The following MSRB1 variants were observed in gnomAD, a reference collection of about 807,000 sequenced individuals.
MSRB1 encodes methionine sulfoxide reductase B1, also known as methionine-R-sulfoxide reductase B1.
A neutral mutation model predicts 15.2 loss-of-function variants in MSRB1; 13 were observed. The observed-to-expected ratio is 0.86, with a 90% CI of 0.56 to 1.36. The LOEUF is 1.36. Among genes scored for constraint, MSRB1 ranks in the 40% most tolerant of loss-of-function variants. The pLI, the probability that MSRB1 is intolerant of heterozygous loss-of-function variation, is 0.00. For synonymous variants in MSRB1, 68 were observed against 64.5 expected (o/e 1.05, Z -0.26); for missense variants, 174 against 155.9 (o/e 1.12, Z -0.62).
chr16:1,941,728 A>C (rs913936615), intron 1 of MSRB1: 6 of 334,720 alleles, frequency 1.8e-5, no homozygotes, highest in Non-Finnish European at 3.4e-5. Flanking sequence ...GAACCTGGGT[A>C]GTCCAATGAG....
At chr16:1,940,654 C>T (rs1313222644) in intron 3 of MSRB1, 124 bp downstream of exon 3, 1 of 1,223,788 alleles carries the variant, frequency 8.2e-7, no homozygotes, top group Non-Finnish European at 1.1e-6. Context: ...TGGACAGTTC[C>T]CAGGCAGCGT....
chr16:1,940,842 G>A lies in MSRB1; in HGVS notation c.255C>T (p.Asp85=), dbSNP rs775096631. ...ATCGGGACTGCCCCGGCTTGGGGCC[G>A]TCGTTCAGGAACTCGTGGCCCAACC... ...GNGLGHEFLN[D]GPKPGQSRFU... is the part of the protein sequence containing the mutation. The change falls in exon 3 of 4, where the codon GAC becomes GAT. Residue 85 remains aspartate, a synonymous_variant. Coordinates refer to ENST00000361871, the MANE Select transcript of MSRB1 (RefSeq NM_016332.4). 2.4e-5 allele frequency: 38 copies of A among 1,614,018 alleles called. No individual in the cohort carries two copies. The highest frequency in any genetic ancestry group is 1.6e-4 in the Middle Eastern group (1 of 6,084).
chr16:1,943,165 C>T lies in MSRB1; in HGVS notation c.-9G>A. ...AAGCTGCAGAACGACATGGCGCCACCGGAACCGCAGCGCGCTTGCCGCTGC... is the reference window on the plus strand; with the variant it reads ...AAGCTGCAGAACGACATGGCGCCACTGGAACCGCAGCGCGCTTGCCGCTGC... On this transcript the variant is annotated 5_prime_UTR_variant, in exon 1 of 4. Coordinates refer to ENST00000361871, the MANE Select transcript of MSRB1 (RefSeq NM_016332.4). 1 of 1,557,386 alleles carries T rather than the reference C, an allele frequency of 6.4e-7. No individual in the cohort carries two copies. Among genetic ancestry groups the T allele is most frequent in the South Asian group, 1.2e-5 (1 of 84,584 alleles).
chr16:1,942,334 C>T (rs943614941), intron 1 of MSRB1, among the ~76,000 whole-genome samples: 2 of 152,206 alleles, frequency 1.3e-5, no homozygotes, highest in Non-Finnish European at 2.9e-5. Flanking sequence ...CCAGCAGATC[C>T]GCCCAAGGAG....
In MSRB1 at chr16:1,938,798, G is replaced by A. The variant is rs1374855004; in HGVS notation, c.*314C>T. ...CAGGAAAAGAAGGTGAGGGTGTAAC[G>A]TCATTCAGAGACCAGCTGCACCCAG... On this transcript the variant is annotated 3_prime_UTR_variant, in exon 4 of 4. Transcript: ENST00000361871. 4 of 465,680 alleles carry A rather than the reference G, an allele frequency of 8.6e-6. No individual in the cohort carries two copies. The highest frequency in any genetic ancestry group is 2.4e-5 in the South Asian group (1 of 42,294). 28.8% of individuals were successfully genotyped at this position (465,680 alleles called of 1,614,324 possible). A position where few individuals can be genotyped will look rare whatever the true frequency, so the allele number is the denominator to read the frequency against.
In MSRB1 at chr16:1,938,552, C is replaced by A; in HGVS notation, c.*560G>T. 6.3e-6 allele frequency: 1 copy of A among 159,756 alleles called. No homozygotes were observed. The highest frequency in any genetic ancestry group is 1.5e-4 in the South Asian group (1 of 6,482). The allele number at this position is 159,756 out of a possible 1,614,324, so 9.9% of individuals were successfully genotyped here. On this transcript the variant is annotated 3_prime_UTR_variant, in exon 4 of 4. Coordinates refer to ENST00000361871, the MANE Select transcript of MSRB1 (RefSeq NM_016332.4). ...AGAGGCCAAGGGTGTGCCCCATCAG[C>A]CTGCCTTCCCAGCAGGTCACAGACC...
rs974150471 is a variant in MSRB1, at chr16:1,938,913, C to T, written c.*199G>A. 1.5e-5 allele frequency: 11 copies of T among 739,612 alleles called. No individual in the cohort carries two copies. In the Admixed American group the frequency reaches 2.4e-4, roughly 16 times the overall value. 45.8% of individuals were successfully genotyped at this position (739,612 alleles called of 1,614,324 possible). A position where few individuals can be genotyped will look rare whatever the true frequency, so the allele number is the denominator to read the frequency against. ...AGCCCAGGCCTGTCCCAGCAGAAGG[C>T]ATGAACCATCAGCAAATGAGTCTCT... On this transcript the variant is annotated 3_prime_UTR_variant, in exon 4 of 4. Coordinates refer to ENST00000361871, the MANE Select transcript of MSRB1 (RefSeq NM_016332.4).
At chr16:1,941,782 A>G (rs897520369) in intron 1 of MSRB1, 1 of 237,366 alleles carries the variant, frequency 4.2e-6, no homozygotes, top group South Asian at 5.2e-5. Context: ...CCAGGAACAT[A>G]GAGGGCAGGG....
chr16:1,941,278 G>T lies in MSRB1; in HGVS notation c.183C>A (p.His61Gln). Residue 61 changes from histidine to glutamine, a missense_variant, in exon 2 of 4, where the codon CAC (histidine) becomes CAA (glutamine). By Grantham distance (24) the His-to-Gln change is conservative (BLOSUM62 0). Transcript: ENST00000361871. The stretch of plus-strand genomic sequence containing the variant: ...TCACCTTCAAGGCTTCAGATCTATT[G>T]TGCTCCGGACGCTTGGCCACGCTGT... ...HADSVAKRPE[H>Q]NRSEALKVSC... The T allele has an allele frequency of 6.2e-7, 1 of 1,600,724 alleles. No homozygotes were observed. Among genetic ancestry groups the T allele is most frequent in the Non-Finnish European group, 8.5e-7 (1 of 1,172,728 alleles).
chr16:1,941,142 G>A (rs1020058505), intron 2 of MSRB1, 115 bp downstream of exon 2: 2 of 1,555,970 alleles, frequency 1.3e-6, no homozygotes, highest in East Asian at 2.4e-5. Context: ...AACAGGCCTG[G>A]AATAGACGCC....
intron 2 of MSRB1, 69 bp downstream of exon 2, chr16:1,941,188 G>A (rs747626202): frequency 1.4e-4 from 227 of 1,595,376 alleles, no homozygotes; most frequent in Non-Finnish European, 1.9e-4. Flanking sequence ...AGCAGAGGGA[G>A]GAAGGTGGGA....
rs777301186 is a variant in MSRB1, at chr16:1,941,258, T to C, written c.203A>G (p.Lys68Arg). Reference sequence around the variant, plus strand: ...TCCCCCACCCCTGTGGCCTCTCACCTTCAAGGCTTCAGATCTATTGTGCTC... The same window carrying C: ...TCCCCCACCCCTGTGGCCTCTCACCCTCAAGGCTTCAGATCTATTGTGCTC... ...RPEHNRSEAL[K>R]VSCGKCGNGL... The change falls in exon 2 of 4, where the codon AAG (lysine) becomes AGG (arginine). Residue 68 changes from lysine to arginine, a missense_variant and splice_region_variant. Physicochemically the swap from Lys to Arg is conservative, Grantham distance 26. Transcript: ENST00000361871. 6.6e-7 allele frequency: 1 copy of C among 1,516,944 alleles called. No individual in the cohort carries two copies. The highest frequency in any genetic ancestry group is 1.1e-5 in the South Asian group (1 of 89,582). The allele number at this position is 1,516,944 out of a possible 1,614,324, so 94.0% of individuals were successfully genotyped here.
chr16:1,942,511 C>A (rs920916389), intron 1 of MSRB1, among the ~76,000 whole-genome samples: 5 of 152,246 alleles, frequency 3.3e-5, no homozygotes, highest in African/African-American at 1.2e-4. Context: ...TTGGCAGGTG[C>A]CTGGTGGCAC....
intron 1 of MSRB1, 79 bp downstream of exon 1, chr16:1,943,023 C>A (rs939706366): frequency 6.5e-7 from 1 of 1,531,060 alleles, no homozygotes. Flanking sequence ...AGAGACATCA[C>A]CCCCGGACGA....
Position 1,941,281 on chromosome 16 carries a change from C to T in MSRB1, c.180G>A (p.Glu60=), listed in dbSNP as rs1157884383. Residue 60 remains glutamate (E), a synonymous_variant, in exon 2 of 4, where the codon GAG becomes GAA. Transcript: ENST00000361871. ...IHADSVAKRP[E]HNRSEALKVS... ...CCTTCAAGGCTTCAGATCTATTGTG[C>T]TCCGGACGCTTGGCCACGCTGTCGG... 58 of 1,613,144 alleles carry T rather than the reference C, an allele frequency of 3.6e-5. No homozygotes were observed. Among genetic ancestry groups the T allele is most frequent in the African/African-American group, 8.0e-5 (6 of 74,804 alleles).
At chr16:1,942,217 G>A (rs899569295) in intron 1 of MSRB1, among the ~76,000 whole-genome samples, 1 of 152,226 alleles carries the variant, frequency 6.6e-6, no homozygotes, top group African/African-American at 2.4e-5. Context: ...TTCTGGCTTG[G>A]CAGAGCAGCC....
At chr16:1,941,529 T>TC in intron 1 of MSRB1, 124 bp from the exon 2 acceptor site, 1 of 1,350,920 alleles carries the variant, frequency 7.4e-7, no homozygotes, top group Non-Finnish European at 9.9e-7. Context: ...CTGTGCTCCT[T>TC]CCCCAGGCAC....
chr16:1,940,287 A>G (rs1340302258), intron 3 of MSRB1, among the ~76,000 whole-genome samples: 8 of 151,590 alleles, frequency 5.3e-5, no homozygotes, highest in African/African-American at 1.9e-4. Context: ...AAAAAAAAAA[A>G]GGATGAGGAT....
intron 3 of MSRB1, among the ~76,000 whole-genome samples, chr16:1,940,309 T>C (rs2083067992): frequency 1.3e-5 from 2 of 151,104 alleles, no homozygotes; most frequent in Non-Finnish European, 2.9e-5. Flanking sequence ...CATCAAGCTA[T>C]TATTGTGTGC....
Sources: gnomAD v4.1 joint callset for allele counts (sites outside exome capture counted in the v4.1 genomes callset) on GRCh38, gnomAD v4.1.1 for gene constraint, MANE v1.5 for transcripts, NCBI Gene and HGNC (gene_info 2026-07-23, HGNC 2026-07-21) for gene names.